The following NR5A2 variants were observed in gnomAD, a reference collection of about 807,000 sequenced individuals.
NR5A2 encodes the protein CYP7A promoter-binding factor.
A neutral mutation model predicts 62.7 loss-of-function variants in NR5A2; 26 were observed. The observed-to-expected ratio is 0.41, with a 90% CI of 0.30 to 0.58. The LOEUF (loss-of-function observed/expected upper bound fraction) is 0.58. NR5A2 is among the 20% of genes least tolerant of loss of function. The pLI is 0.22. For missense variants in NR5A2, 541 were observed against 669.1 expected (o/e 0.81, Z 2.11); for synonymous variants, 246 against 241.7 (o/e 1.02, Z -0.16).
chr1:200,075,860 A>C (rs79293574), intron 5 of NR5A2, among the ~76,000 whole-genome samples: 2,983 of 152,172 alleles, frequency 0.02, 41 homozygotes, highest in East Asian at 0.05. Flanking sequence ...TTTAGAAAAA[A>C]TAAAAGTGTG....
intron 7 of NR5A2, among the ~76,000 whole-genome samples, chr1:200,146,987 G>A (rs1188740038): frequency 7.0e-6 from 1 of 142,148 alleles, no homozygotes; most frequent in South Asian, 2.2e-4. Flanking sequence ...GTTCCACTTT[G>A]TTTTTATTCA....
intron 2 of NR5A2, chr1:200,042,971 T>C: frequency 2.0e-6 from 2 of 985,466 alleles, no homozygotes; most frequent in Non-Finnish European, 2.4e-6. Flanking sequence ...TCGAGGTGTT[T>C]ATATTTTGCT....
intron 5 of NR5A2, among the ~76,000 whole-genome samples, chr1:200,067,135 A>G (rs1571742219): frequency 6.6e-6 from 1 of 152,186 alleles, no homozygotes; most frequent in Non-Finnish European, 1.5e-5. Context: ...AAGACTGATC[A>G]CCTATCTATG....
chr1:200,067,848 G>A (rs1381513299), intron 5 of NR5A2, among the ~76,000 whole-genome samples: 8 of 152,228 alleles, frequency 5.3e-5, no homozygotes, highest in Non-Finnish European at 8.8e-5. Context: ...AGTTGGCTAC[G>A]TATGCAGAGA....
chr1:200,104,097 T>G (rs1291117438), intron 5 of NR5A2, among the ~76,000 whole-genome samples: 1 of 152,154 alleles, frequency 6.6e-6, no homozygotes. Context: ...CCAGCATAGC[T>G]CAGTTATCCA....
intron 5 of NR5A2, among the ~76,000 whole-genome samples, chr1:200,061,275 CTTTT>C (rs35232000): frequency 1.6e-5 from 2 of 122,868 alleles, no homozygotes; most frequent in Middle Eastern, 4.1e-3. Flanking sequence ...TCGGGATTAA[CTTTT>C]TTTTTTTTTT....
At chr1:200,060,169 C>T (rs140127769) in intron 5 of NR5A2, among the ~76,000 whole-genome samples, 2 of 152,254 alleles carry the variant, frequency 1.3e-5, no homozygotes, top group East Asian at 3.9e-4. Flanking sequence ...TCCCAATTCG[C>T]TTTTTCTTTT....
chr1:200,145,056 A>G (rs1397873568), intron 7 of NR5A2, among the ~76,000 whole-genome samples: 2 of 152,196 alleles, frequency 1.3e-5, no homozygotes, highest in African/African-American at 4.8e-5. Context: ...TCACACCTGT[A>G]ATCCCAGCAC....
chr1:200,093,202 C>G (rs1402296520), intron 5 of NR5A2, among the ~76,000 whole-genome samples: 1 of 152,112 alleles, frequency 6.6e-6, no homozygotes. Context: ...CCACACCCGG[C>G]CAACATAGGT....
At chr1:200,044,130 T>G in intron 3 of NR5A2, 1 of 356,730 alleles carries the variant, frequency 2.8e-6, no homozygotes, top group Admixed American at 4.5e-5. Flanking sequence ...AAATACTTTA[T>G]TGTAGTAAAG....
At chr1:200,111,383 C>T (rs552194389) in intron 6 of NR5A2, 62 bp downstream of exon 6, 166 of 1,540,742 alleles carry the variant, frequency 1.1e-4, no homozygotes, top group Middle Eastern at 3.6e-4. Flanking sequence ...TCAGAATGGC[C>T]GGAATTTAAC....
chr1:200,068,679 T>C (rs1663609256), intron 5 of NR5A2, among the ~76,000 whole-genome samples: 1 of 152,194 alleles, frequency 6.6e-6, no homozygotes, highest in African/African-American at 2.4e-5. Flanking sequence ...ACACATTGCT[T>C]GAGTCCCTCA....
chr1:200,134,942 A>AAT (rs1167459138), intron 7 of NR5A2, among the ~76,000 whole-genome samples: 8 of 152,204 alleles, frequency 5.3e-5, no homozygotes, highest in Non-Finnish European at 1.2e-4. Flanking sequence ...GTAAATTCCC[A>AAT]ATTCACCCAC....
At chr1:200,115,287 A>G (rs1666165657) in intron 6 of NR5A2, among the ~76,000 whole-genome samples, 1 of 152,218 alleles carries the variant, frequency 6.6e-6, no homozygotes, top group Admixed American at 6.5e-5. Context: ...GTATCTTAAA[A>G]GAGGATTTTT....
At chr1:200,047,471 CA>C (rs1558102877) in intron 4 of NR5A2, among the ~76,000 whole-genome samples, 1 of 152,094 alleles carries the variant, frequency 6.6e-6, no homozygotes, top group East Asian at 1.9e-4. Flanking sequence ...CACACCCCTG[CA>C]AAAGAAAACC....
At chr1:200,032,850 T>TC (rs1272797738) in intron 1 of NR5A2, among the ~76,000 whole-genome samples, 2 of 152,222 alleles carry the variant, frequency 1.3e-5, no homozygotes, top group Non-Finnish European at 2.9e-5. Flanking sequence ...AAATACATAC[T>TC]CTTTCTCCAA....
intron 5 of NR5A2, among the ~76,000 whole-genome samples, chr1:200,053,891 C>T (rs943365629): frequency 5.3e-5 from 8 of 152,184 alleles, no homozygotes; most frequent in East Asian, 1.9e-4. Context: ...CTACCCTCTG[C>T]GGATAGTTTA....
intron 7 of NR5A2, among the ~76,000 whole-genome samples, chr1:200,124,631 T>C (rs139864656): frequency 3.5e-3 from 528 of 152,290 alleles, no homozygotes; most frequent in Middle Eastern, 0.031. Flanking sequence ...ACTTACAAAA[T>C]GTTTACTGAT....
intron 6 of NR5A2, among the ~76,000 whole-genome samples, chr1:200,115,832 A>G (rs896502422): frequency 6.6e-6 from 1 of 152,050 alleles, no homozygotes; most frequent in African/African-American, 2.4e-5. Context: ...CCTTACCCCT[A>G]AAGTGAGGAT....
Sources: gnomAD v4.1 joint callset for allele counts (sites outside exome capture counted in the v4.1 genomes callset) on GRCh38, gnomAD v4.1.1 for gene constraint, MANE v1.5 for transcripts, NCBI Gene and HGNC (gene_info 2026-07-23, HGNC 2026-07-21) for gene names.